TENM2: variants seen among roughly 807,000 people sequenced by gnomAD.
TENM2 encodes the protein teneurin-2.
TENM2 carries 52 observed loss-of-function variants against 245.2 expected under a neutral mutation model. That is an observed-to-expected ratio of 0.21 (90% CI 0.17 to 0.27). The LOEUF is 0.27. Ranked by LOEUF, TENM2 falls within the 10% of genes least tolerant of loss-of-function variation. The probability of loss-of-function intolerance (pLI) is 1.00; values close to 1 mark genes in which losing one functional copy is unlikely to be tolerated. For missense variants in TENM2, 3,046 were observed against 3,666.8 expected (o/e 0.83, Z 4.37); for synonymous variants, 1,363 against 1,438.9 (o/e 0.95, Z 1.19).
At chr5:168,131,490 G>C (rs1024740590) in intron 12 of TENM2, among the ~76,000 whole-genome samples, 1 of 152,076 alleles carries the variant, frequency 6.6e-6, no homozygotes, top group Non-Finnish European at 1.5e-5. Context: ...GAAAGAAATC[G>C]GTGCTTGTGA....
In TENM2 at chr5:167,315,437, T is replaced by C. The variant is rs78018152; in HGVS notation, c.226+30374T>C. 5.5e-3 allele frequency among the ~76,000 whole-genome samples: 841 copies of C among 152,326 alleles called. 7 individuals are homozygous for C. The highest frequency in any genetic ancestry group is 0.019 in the African/African-American group (808 of 41,588). On this transcript the variant is annotated intron_variant, in intron 1 of 28. Coordinates refer to ENST00000518659, the Ensembl canonical transcript of TENM2. ...TTTTATTCTTTGACAAGTGGTCATA[T>C]GCAAGGTGCCCCACATATGATGCCG... is the stretch of plus-strand genomic sequence containing the variant.
At chr5:168,241,294 C>T (rs556972661) in intron 25 of TENM2, among the ~76,000 whole-genome samples, 83 of 151,820 alleles carry the variant, frequency 5.5e-4, no homozygotes, top group African/African-American at 1.9e-3. Flanking sequence ...CTCACTCTGT[C>T]CCCCAGGGTG....
chr5:167,507,742 G>T (rs1240139095), intron 2 of TENM2, among the ~76,000 whole-genome samples: 1 of 152,098 alleles, frequency 6.6e-6, no homozygotes. Flanking sequence ...AGGTTGCTGT[G>T]TATGGGTTAG....
intron 4 of TENM2, among the ~76,000 whole-genome samples, chr5:167,980,382 A>C (rs962274788): frequency 6.6e-6 from 1 of 152,146 alleles, no homozygotes; most frequent in Non-Finnish European, 1.5e-5. Flanking sequence ...TTGAGGAGAG[A>C]CTTGAAAGAC....
chr5:167,759,325 A>ATAAGTGCTCAGCACATGG (rs1246387757), intron 2 of TENM2, among the ~76,000 whole-genome samples: 8 of 152,088 alleles, frequency 5.3e-5, no homozygotes, highest in African/African-American at 1.7e-4. Flanking sequence ...TTAAATGTTC[A>ATAAGTGCTCAGCACATGG]TAAGTGCTCA....
rs543025463 is a variant in TENM2 at position 168,244,687 on chromosome 5, A to C, written c.5788A>C (p.Lys1930Gln). The C allele has an allele frequency of 6.7e-7, 1 of 1,494,522 alleles. No individual in the cohort carries two copies. The highest frequency in any genetic ancestry group is 1.4e-5 in the South Asian group (1 of 72,664). 92.6% of individuals were successfully genotyped at this position (1,494,522 alleles called of 1,614,324 possible). A position where few individuals can be genotyped will look rare whatever the true frequency, so the allele number is the denominator to read the frequency against. The change falls in exon 26 of 29, where the codon AAA becomes CAA. Residue 1930 changes from lysine to glutamine, a missense_variant. Physicochemically the swap from Lys to Gln is moderately conservative, Grantham distance 53 (BLOSUM62 1). This residue lies in a region of TENM2 where 2,704 missense variants were observed against 3,331.9 expected (regional missense o/e 0.81). Transcript: ENST00000518659. The surrounding 1 kb of genome is among the most constrained non-coding windows in gnomAD (Gnocchi z 4.9). Reference sequence around the variant, plus strand: ...CGTGTCCCGCATGTTCGCTGACGGGAAAGTGTGGAGCTACTCCTACCTTGA... The same window carrying C: ...CGTGTCCCGCATGTTCGCTGACGGGCAAGTGTGGAGCTACTCCTACCTTGA...
At chr5:167,071,752 A>G in the TENM2 span, among the ~76,000 whole-genome samples, 35 of 152,128 alleles carry the variant, frequency 2.3e-4, no homozygotes, top group African/African-American at 8.0e-4. Context: ...TTTTACAGAT[A>G]AGAAGATTGA....
intron 25 of TENM2, among the ~76,000 whole-genome samples, chr5:168,233,195 G>A (rs370531575): frequency 2.5e-3 from 385 of 152,226 alleles, no homozygotes; most frequent in Admixed American, 4.3e-3. Flanking sequence ...GTGTGGTGGC[G>A]CATGCCTGTA....
chr5:167,624,719 G>A (rs538676171), intron 2 of TENM2, among the ~76,000 whole-genome samples: 1 of 152,098 alleles, frequency 6.6e-6, no homozygotes, highest in South Asian at 2.1e-4. Flanking sequence ...TGATATTTTG[G>A]CTCTGCCAGT....
At chr5:167,932,189 G>A (rs574699010) in intron 3 of TENM2, among the ~76,000 whole-genome samples, 10 of 152,142 alleles carry the variant, frequency 6.6e-5, no homozygotes, top group African/African-American at 1.4e-4. Context: ...CAATTCCATC[G>A]TGAAGGTCTC....
At chr5:167,375,075 C>T (rs1256002305) in intron 1 of TENM2, 123 bp from the exon 4 acceptor site, 3 of 958,048 alleles carry the variant, frequency 3.1e-6, no homozygotes, top group African/African-American at 3.3e-5. Context: ...TGTTTCTGTA[C>T]ACCATGGTGA....
intron 2 of TENM2, among the ~76,000 whole-genome samples, chr5:167,400,925 G>A (rs1468380479): frequency 1.3e-5 from 2 of 152,032 alleles, no homozygotes; most frequent in East Asian, 3.9e-4. Flanking sequence ...GTAGGTGCTT[G>A]ATTAAAATGC....
chr5:168,157,808 T>C (rs1394028722), intron 12 of TENM2, among the ~76,000 whole-genome samples: 1 of 152,144 alleles, frequency 6.6e-6, no homozygotes, highest in African/African-American at 2.4e-5. Context: ...GGGGAATAGA[T>C]GGCTATGTTG....
chr5:167,286,748 G>A (rs1299052455), intron 1 of TENM2, among the ~76,000 whole-genome samples: 1 of 152,112 alleles, frequency 6.6e-6, no homozygotes, highest in Non-Finnish European at 1.5e-5. Context: ...CTGGCTTCTG[G>A]ATCATTGTGC....
intron 2 of TENM2, among the ~76,000 whole-genome samples, chr5:167,620,057 G>T (rs535774028): frequency 6.6e-6 from 1 of 152,246 alleles, no homozygotes; most frequent in South Asian, 2.1e-4. Context: ...TAAGAGTAGG[G>T]TTGTGTTAAA....
At chr5:167,083,489 A>G in the TENM2 span, among the ~76,000 whole-genome samples, 1 of 152,204 alleles carries the variant, frequency 6.6e-6, no homozygotes, top group East Asian at 1.9e-4. Flanking sequence ...ATGTGATTAC[A>G]TCTAAGAACT....
At chr5:167,590,106 C>A (rs1775778008) in intron 2 of TENM2, among the ~76,000 whole-genome samples, 1 of 85,804 alleles carries the variant, frequency 1.2e-5, no homozygotes, top group Non-Finnish European at 2.8e-5. Flanking sequence ...TGCTTGATTA[C>A]ATTTTTCTTA....
At position 167,781,620 on chromosome 5, in the gene TENM2, A is replaced by AGGTGAGTAT. The variant is rs566206885; in HGVS notation, c.503-94364_503-94356dup. Among the ~76,000 whole-genome samples, 328 of 152,340 alleles carry AGGTGAGTAT rather than the reference A, an allele frequency of 2.2e-3. 2 individuals are homozygous for AGGTGAGTAT. The highest frequency in any genetic ancestry group is 7.6e-3 in the African/African-American group (317 of 41,584). On this transcript the variant is annotated intron_variant, in intron 2 of 28. Coordinates refer to ENST00000518659, the Ensembl canonical transcript of TENM2. ...AAAGAAAGAATAAATGAAAGTGATCAGGTGAGTATGTGGCCATTCTAAACT... is the reference window on the plus strand; with the variant it reads ...AAAGAAAGAATAAATGAAAGTGATCAGGTGAGTATGGTGAGTATGTGGCCATTCTAAACT...
At chr5:167,494,011 G>T (rs12519979) in intron 2 of TENM2, among the ~76,000 whole-genome samples, 28,411 of 152,048 alleles carry the variant, frequency 0.19, 2,640 homozygotes, top group East Asian at 0.24. Flanking sequence ...TTTCCAGATG[G>T]AATCATTAAG....
Sources: gnomAD v4.1 joint callset for allele counts (sites outside exome capture counted in the v4.1 genomes callset) on GRCh38, gnomAD v4.1.1 for gene constraint, gnomAD v4.1.1 regional missense constraint, Gnocchi (gnomAD v3.1) non-coding constraint, MANE v1.5 for transcripts, NCBI Gene and HGNC (gene_info 2026-07-23, HGNC 2026-07-21) for gene names.